DLGAP1: variants seen among roughly 807,000 people sequenced by gnomAD.
DLGAP1 encodes DLG associated protein 1.
In DLGAP1, 11 loss-of-function variants were observed where a neutral mutation model predicts 90.8. That is an observed-to-expected ratio of 0.12 (90% CI 0.08 to 0.20). The LOEUF (loss-of-function observed/expected upper bound fraction) is 0.20, where lower values mean the gene tolerates loss of function less well. DLGAP1 is among the 10% of genes least tolerant of loss of function. The probability of loss-of-function intolerance (pLI) is 1.00; values close to 1 mark genes in which losing one functional copy is unlikely to be tolerated. For missense variants in DLGAP1, 1,050 were observed against 1,333.8 expected, an observed-to-expected ratio of 0.79 and a Z score of 3.31; for synonymous variants, 558 against 540.7, an observed-to-expected ratio of 1.03 and a Z score of -0.44.
At chr18:3,983,632 C>G (rs1360103452) in intron 3 of DLGAP1, 1 of 152,152 alleles carries the variant, frequency 6.6e-6, no homozygotes, top group Non-Finnish European at 1.5e-5. Context: ...ACAAACTGAA[C>G]AAAGAATGAT....
intron 1 of DLGAP1, among the ~76,000 whole-genome samples, chr18:4,370,631 G>A (rs749631225): frequency 3.9e-5 from 6 of 152,160 alleles, no homozygotes; most frequent in Non-Finnish European, 8.8e-5. Context: ...CCTCCAGAGG[G>A]ATGTGGCAGG....
At chr18:4,183,627 C>T (rs2077244088) in intron 1 of DLGAP1, among the ~76,000 whole-genome samples, 1 of 152,046 alleles carries the variant, frequency 6.6e-6, no homozygotes, top group South Asian at 2.1e-4. Flanking sequence ...CATCCATTTC[C>T]TCTTTCCTCT....
chr18:3,887,507 A>G (rs1476123838), intron 3 of DLGAP1, among the ~76,000 whole-genome samples: 1 of 152,226 alleles, frequency 6.6e-6, no homozygotes, highest in Non-Finnish European at 1.5e-5. Context: ...TTATGAGAGA[A>G]GACTGGAAGA....
chr18:4,179,836 T>A (rs2077176808), intron 1 of DLGAP1, among the ~76,000 whole-genome samples: 1 of 152,214 alleles, frequency 6.6e-6, no homozygotes, highest in Non-Finnish European at 1.5e-5. Flanking sequence ...AGCCATTAAA[T>A]CTCGGCTGCG....
At chr18:4,370,082 G>T (rs1386479419) in intron 1 of DLGAP1, among the ~76,000 whole-genome samples, 1 of 152,162 alleles carries the variant, frequency 6.6e-6, no homozygotes, top group Non-Finnish European at 1.5e-5. Flanking sequence ...AGACTCAGGT[G>T]TTAGGACACA....
At chr18:4,322,670 A>G (rs2080720145) in intron 1 of DLGAP1, among the ~76,000 whole-genome samples, 2 of 152,162 alleles carry the variant, frequency 1.3e-5, no homozygotes, top group Non-Finnish European at 2.9e-5. Flanking sequence ...GTAAAAAGCT[A>G]CTGCATAGAG....
chr18:3,530,243 A>G (rs1293363857), intron 10 of DLGAP1, among the ~76,000 whole-genome samples: 1 of 152,026 alleles, frequency 6.6e-6, no homozygotes, highest in African/African-American at 2.4e-5. Flanking sequence ...CTATCTCTAT[A>G]AAATTTTTTA....
At chr18:3,866,863 T>C (rs900085592) in intron 4 of DLGAP1, among the ~76,000 whole-genome samples, 1 of 152,188 alleles carries the variant, frequency 6.6e-6, no homozygotes, top group East Asian at 1.9e-4. Flanking sequence ...TTTATATATA[T>C]TTTTTGAGAC....
chr18:3,803,957 CATATATAT>C (rs33952757), intron 5 of DLGAP1, among the ~76,000 whole-genome samples: 5,121 of 83,418 alleles, frequency 0.061, 114 homozygotes, highest in Non-Finnish European at 0.071. Context: ...TATGTAGGTT[CATATATAT>C]ATATATATAT....
chr18:3,629,721 AT>A (rs142261231), intron 7 of DLGAP1, among the ~76,000 whole-genome samples: 8,568 of 151,970 alleles, frequency 0.056, 737 homozygotes, highest in African/African-American at 0.18. Flanking sequence ...TAATGAAATA[AT>A]TTTTTGCTAA....
intron 4 of DLGAP1, among the ~76,000 whole-genome samples, chr18:3,873,349 T>C (rs1480763693): frequency 1.3e-5 from 2 of 152,136 alleles, no homozygotes; most frequent in African/African-American, 2.4e-5. Flanking sequence ...AGGGAGAAGA[T>C]TGTGCAAACC....
At chr18:4,058,860 T>C (rs1231936671) in intron 2 of DLGAP1, among the ~76,000 whole-genome samples, 1 of 152,074 alleles carries the variant, frequency 6.6e-6, no homozygotes, top group East Asian at 1.9e-4. Context: ...TTAAAGAACA[T>C]GGGAAATTGG....
At chr18:4,211,050 A>T (rs1251561993) in intron 1 of DLGAP1, among the ~76,000 whole-genome samples, 1 of 152,232 alleles carries the variant, frequency 6.6e-6, no homozygotes, top group Non-Finnish European at 1.5e-5. Context: ...TTATCTACTT[A>T]TACTACCTTT....
intron 7 of DLGAP1, among the ~76,000 whole-genome samples, chr18:3,671,256 C>T (rs1325884073): frequency 6.6e-6 from 1 of 151,112 alleles, no homozygotes; most frequent in Non-Finnish European, 1.5e-5. Flanking sequence ...TTTCTTTGAT[C>T]ACACAGCTCA....
intron 4 of DLGAP1, among the ~76,000 whole-genome samples, chr18:3,855,210 T>G (rs1287010890): frequency 6.6e-6 from 1 of 152,168 alleles, no homozygotes; most frequent in Admixed American, 6.6e-5. Flanking sequence ...ATACTGCATA[T>G]TCTCACTTAA....
intron 5 of DLGAP1, among the ~76,000 whole-genome samples, chr18:3,793,813 T>C (rs895950208): frequency 6.6e-6 from 1 of 152,208 alleles, no homozygotes; most frequent in Non-Finnish European, 1.5e-5. Context: ...CACTATCCCC[T>C]TGTGAGTGTG....
chr18:3,814,244 G>A lies in DLGAP1; in HGVS notation c.987C>T (p.Thr329=), dbSNP rs1252344063. The A allele has an allele frequency of 6.2e-7, 1 of 1,613,888 alleles. No individual in the cohort carries two copies. Among genetic ancestry groups the A allele is most frequent in the South Asian group, 1.1e-5 (1 of 91,060 alleles). Residue 329 remains threonine, a synonymous_variant, in exon 5 of 13, where the codon ACC becomes ACT. Transcript: ENST00000315677. ...QVPQDEWTGY[T]PRGKDDEIPC... ...GAATTTCATCATCTTTACCTCGTGG[G>A]GTGTACCCTGTCCATTCATCTTGTG...
At position 3,742,480 on chromosome 18, in the gene DLGAP1, A is replaced by C; in HGVS notation, c.1205T>G (p.Ile402Ser). Residue 402 changes from isoleucine to serine, a missense_variant, in exon 6 of 13, where the codon ATC becomes AGC. Around this residue, in one of 2 missense-constraint regions of DLGAP1, gnomAD observed 565 missense variants for 879.7 expected, o/e 0.64. Transcript: ENST00000315677. ...TGCCCTCAGGTAACTATGACTCCGG[A>C]TCTGGAGTTTGGGTGAGTGTTCATT... ...ISNEHSPKLQ[I>S]RSHSYLRAVS... The C allele has an allele frequency of 6.2e-7, 1 of 1,614,164 alleles. No individual in the cohort carries two copies. Among genetic ancestry groups the C allele is most frequent in the Non-Finnish European group, 8.5e-7 (1 of 1,180,038 alleles).
intron 2 of DLGAP1, among the ~76,000 whole-genome samples, chr18:4,013,247 A>G (rs2074460244): frequency 6.6e-6 from 1 of 152,200 alleles, no homozygotes; most frequent in Non-Finnish European, 1.5e-5. Context: ...AAGCATTTAC[A>G]TACGCAATCA....
Sources: gnomAD v4.1 joint callset for allele counts (sites outside exome capture counted in the v4.1 genomes callset) on GRCh38, gnomAD v4.1.1 for gene constraint, gnomAD v4.1.1 regional missense constraint, MANE v1.5 for transcripts, NCBI Gene and HGNC (gene_info 2026-07-23, HGNC 2026-07-21) for gene names.